The following PLEKHG4B variants were observed in gnomAD, a reference collection of about 807,000 sequenced individuals.
PLEKHG4B encodes pleckstrin homology domain-containing family G member 4B.
A neutral mutation model predicts 121.3 loss-of-function variants in PLEKHG4B; 111 were observed. The observed-to-expected ratio is 0.92, with a 90% CI of 0.78 to 1.07. PLEKHG4B has a LOEUF of 1.07. Among genes scored for constraint, PLEKHG4B ranks in the 50% least tolerant of loss-of-function variants. The pLI is 0.00. For synonymous variants in PLEKHG4B, 738 were observed against 725.0 expected (o/e 1.02, Z -0.29); for missense variants, 1,831 against 1,757.8 (o/e 1.04, Z -0.74).
At chr5:118,163 A>G (rs376574457) in intron 2 of PLEKHG4B, among the ~76,000 whole-genome samples, 3 of 152,212 alleles carry the variant, frequency 2.0e-5, no homozygotes, top group East Asian at 3.8e-4. Context: ...AGATCATTCA[A>G]TAATAATACT....
At chr5:108,075 G>A (rs1204168113) in intron 1 of PLEKHG4B, among the ~76,000 whole-genome samples, 14 of 152,198 alleles carry the variant, frequency 9.2e-5, no homozygotes, top group African/African-American at 2.7e-4. Flanking sequence ...CAGGTCCTGC[G>A]TCTCCAGTGG....
intron 12 of PLEKHG4B, 133 bp from the exon 13 acceptor site, chr5:162,589 C>T (rs572647200): frequency 3.4e-4 from 209 of 614,134 alleles, no homozygotes; most frequent in African/African-American, 2.7e-3. Context: ...CACTGGGTGG[C>T]GGGACTGCCT....
In PLEKHG4B at chr5:139,164, T is replaced by C. The variant is rs6554682; in HGVS notation, c.244-319T>C. On this transcript the variant is annotated intron_variant, in intron 2 of 19. Coordinates refer to ENST00000637938, the MANE Select transcript of PLEKHG4B (RefSeq NM_052909.5). The surrounding 1 kb of genome is among the most constrained non-coding windows in gnomAD (Gnocchi z 5.0). ...TGGGACCACTCTGAGGGACAACTCA[T>C]CCTTCGGAGCGCCTGGTGGGCTGTG... Among the ~76,000 whole-genome samples the C allele has an allele frequency of 0.25, 37,975 of 152,124 alleles. 8,000 individuals carry two copies. The highest frequency in any genetic ancestry group is 0.58 in the African/African-American group (23,936 of 41,460).
Position 151,564 on chromosome 5 carries a change from T to A in PLEKHG4B, c.1957T>A (p.Ser653Thr), listed in dbSNP as rs148267274. Residue 653 changes from serine (S) to threonine (T), a missense_variant, in exon 7 of 20, where the codon TCT (serine) becomes ACT (threonine). Physicochemically the swap from Ser to Thr is moderately conservative, Grantham distance 58. Coordinates refer to ENST00000637938, the MANE Select transcript of PLEKHG4B (RefSeq NM_052909.5). ...HSILLLVDKESAFRPDKDAII... is the reference protein window; with the variant it reads ...HSILLLVDKETAFRPDKDAII... Reference sequence around the variant, plus strand: ...TATCTTGCTGTTGGTAGATAAAGAATCTGCATTTAGGCCTGACAAGGATGC... The same window carrying A: ...TATCTTGCTGTTGGTAGATAAAGAAACTGCATTTAGGCCTGACAAGGATGC... 1,371 of 1,593,196 alleles carry A rather than the reference T, an allele frequency of 8.6e-4. 1 individual carries two copies. The highest frequency in any genetic ancestry group is 1.0e-3 in the Non-Finnish European group (1,186 of 1,161,830).
Position 140,219 on chromosome 5 carries a change from A to G in PLEKHG4B, c.980A>G (p.His327Arg). ...QEDRPKALTF[H>R]TDLGIPSSRR... The stretch of plus-strand genomic sequence containing the variant: ...GACAGACCCAAGGCCCTCACCTTCC[A>G]CACAGACCTGGGCATCCCGAGCAGC... Residue 327 changes from histidine to arginine, a missense_variant, in exon 3 of 20, where the codon CAC (histidine) becomes CGC (arginine). His to Arg is a conservative substitution (Grantham distance 29). Coordinates refer to ENST00000637938, the MANE Select transcript of PLEKHG4B (RefSeq NM_052909.5). The G allele has an allele frequency of 2.2e-6, 3 of 1,376,232 alleles. No homozygotes were observed. Among genetic ancestry groups the G allele is most frequent in the Non-Finnish European group, 2.9e-6 (3 of 1,033,620 alleles). The allele number at this position is 1,376,232 out of a possible 1,614,324, so 85.3% of individuals were successfully genotyped here.
In PLEKHG4B at chr5:156,292, T is replaced by A; in HGVS notation, c.2348+82T>A. The A allele has an allele frequency of 7.7e-7, 1 of 1,294,290 alleles. No individual in the cohort carries two copies. The highest frequency in any genetic ancestry group is 9.9e-7 in the Non-Finnish European group (1 of 1,007,090). The allele number at this position is 1,294,290 out of a possible 1,614,324, so 80.2% of individuals were successfully genotyped here. ...GAGTTTGCACCAGGAGGCGTAGCGC[T>A]CTGCTCCAAGGAGAGCCCCCTCTGT... On this transcript the variant is annotated intron_variant, in intron 10 of 19. Transcript: ENST00000637938. This position sits in a 1 kb window ranked among gnomAD's most constrained non-coding sequence, Gnocchi z 4.4.
In PLEKHG4B at chr5:140,154, T is replaced by G. The variant is rs185888907; in HGVS notation, c.915T>G (p.Cys305Trp). Residue 305 changes from cysteine to tryptophan, a missense_variant, in exon 3 of 20, where the codon TGT (cysteine) becomes TGG (tryptophan). Coordinates refer to ENST00000637938, the MANE Select transcript of PLEKHG4B (RefSeq NM_052909.5). ...GCCCACGGATGCCCCCTGAGAACTG[T>G]GGGGGGTCGGGGGAGAGGCCGGACC... ...EQGPRMPPEN[C>W]GGSGERPDPM... The G allele has an allele frequency of 4.6e-3, 3,408 of 738,364 alleles. 14 individuals carry two copies. Among genetic ancestry groups the G allele is most frequent in the Non-Finnish European group, 6.5e-3 (3,063 of 469,652 alleles). 45.7% of individuals were successfully genotyped at this position (738,364 alleles called of 1,614,324 possible). A position where few individuals can be genotyped will look rare whatever the true frequency, so the allele number is the denominator to read the frequency against.
intron 14 of PLEKHG4B, 92 bp from the exon 15 acceptor site, chr5:170,951 G>C (rs905987613): frequency 3.0e-6 from 3 of 986,688 alleles, no homozygotes; most frequent in Admixed American, 2.3e-5. Context: ...GTCTTGGGAC[G>C]GGAGCAGTTC....
chr5:173,907 G>C lies in PLEKHG4B; in HGVS notation c.4222-11G>C, dbSNP rs1429469414. On this transcript the variant is annotated splice_polypyrimidine_tract_variant and intron_variant, in intron 17 of 19. Coordinates refer to ENST00000637938, the MANE Select transcript of PLEKHG4B (RefSeq NM_052909.5). ...CCTGATGGTGCTGCAATGGGTGTTTGCTGACTGCAGACGGCCGAGATCGGG... is the reference window on the plus strand; with the variant it reads ...CCTGATGGTGCTGCAATGGGTGTTTCCTGACTGCAGACGGCCGAGATCGGG... 6.2e-7 allele frequency: 1 copy of C among 1,611,826 alleles called. No homozygotes were observed.
intron 1 of PLEKHG4B, among the ~76,000 whole-genome samples, chr5:107,789 C>T (rs1019240613): frequency 2.0e-5 from 3 of 152,182 alleles, no homozygotes; most frequent in South Asian, 2.1e-4. Context: ...GGCTGGACCT[C>T]GGTGGGGCTC....
chr5:163,671 T>C, intron 13 of PLEKHG4B, 123 bp downstream of exon 13: 1 of 824,198 alleles, frequency 1.2e-6, no homozygotes, highest in Non-Finnish European at 1.8e-6. Flanking sequence ...TCCCTCTGGG[T>C]CCACCTGTCC....
At chr5:109,397 C>CAAAAAA (rs34972342) in intron 1 of PLEKHG4B, among the ~76,000 whole-genome samples, 2 of 61,820 alleles carry the variant, frequency 3.2e-5, no homozygotes, top group African/African-American at 7.7e-5. Context: ...ACTCTGTCTC[C>CAAAAAA]AAAAAAAAAA....
rs773672774 is a variant in PLEKHG4B at position 173,959 on chromosome 5, C to T, written c.4263C>T (p.Gly1421=). 2.2e-5 allele frequency: 35 copies of T among 1,613,168 alleles called. 1 individual carries two copies. Among genetic ancestry groups the T allele is most frequent in the Admixed American group, 1.3e-4 (8 of 59,880 alleles). ...IGMTENVGDS[G]LRFEIWFRRR... The stretch of plus-strand genomic sequence containing the variant: ...TGACAGAGAACGTCGGGGACAGTGG[C>T]TTGAGGTTTGAGATTTGGTTTCGCA... Residue 1421 remains glycine (G), a synonymous_variant, in exon 18 of 20, where the codon GGC becomes GGT. Transcript: ENST00000637938.
intron 12 of PLEKHG4B, among the ~76,000 whole-genome samples, chr5:162,301 C>G (rs1341683164): frequency 2.0e-5 from 3 of 151,344 alleles, no homozygotes; most frequent in Admixed American, 2.0e-4. Context: ...CTGCGAGCTC[C>G]CCCGCGCCGG....
At chr5:105,664 C>G (rs1235581192) in intron 1 of PLEKHG4B, among the ~76,000 whole-genome samples, 1 of 152,208 alleles carries the variant, frequency 6.6e-6, no homozygotes. Context: ...TTCATTCAGC[C>G]GTGCTGCTAG....
At position 143,135 on chromosome 5, in the gene PLEKHG4B, G is replaced by A. The variant is rs760289696; in HGVS notation, c.1566G>A (p.Arg522=). The change falls in exon 4 of 20, where the codon CGG becomes CGA. Residue 522 remains arginine, a synonymous_variant. Transcript: ENST00000637938. ...NPSGPSDVPA[R]QPHPEQEGWP... ...GCGGGCCTTCCGATGTGCCTGCCCG[G>A]CAGCCACACCCCGAGCAAGAAGGGT... 1 of 1,612,356 alleles carries A rather than the reference G, an allele frequency of 6.2e-7. No individual in the cohort carries two copies.
At chr5:165,021 C>G (rs865801740) in intron 13 of PLEKHG4B, among the ~76,000 whole-genome samples, 2 of 67,632 alleles carry the variant, frequency 3.0e-5, no homozygotes, top group Non-Finnish European at 6.7e-5. Context: ...CAGTAATGCT[C>G]TGACAGGGCG....
chr5:164,334 A>C (rs557444376), intron 13 of PLEKHG4B, among the ~76,000 whole-genome samples: 1 of 152,308 alleles, frequency 6.6e-6, no homozygotes, highest in East Asian at 1.9e-4. Flanking sequence ...CATGTGCAGT[A>C]GTGTTCGTGC....
At position 171,398 on chromosome 5, in the gene PLEKHG4B, G is replaced by A. The variant is rs774446632; in HGVS notation, c.4004G>A (p.Arg1335His). Residue 1335 changes from arginine to histidine, a missense_variant, in exon 16 of 20, where the codon CGT becomes CAT. Physicochemically the swap from Arg to His is conservative, Grantham distance 29 (BLOSUM62 0). Coordinates refer to ENST00000637938, the MANE Select transcript of PLEKHG4B (RefSeq NM_052909.5). ...AAEVVVCFQLRHGNDLLAMDA... is the reference protein window; with the variant it reads ...AAEVVVCFQLHHGNDLLAMDA... Reference sequence around the variant, plus strand: ...GAGGTCGTGGTCTGCTTCCAGCTGCGTCACGGCAATGACCTGCTGGCCATG... The same window carrying A: ...GAGGTCGTGGTCTGCTTCCAGCTGCATCACGGCAATGACCTGCTGGCCATG... 3.7e-5 allele frequency: 59 copies of A among 1,608,106 alleles called. No individual in the cohort carries two copies. The highest frequency in any genetic ancestry group is 2.7e-4 in the East Asian group (12 of 44,860).
Sources: gnomAD v4.1 joint callset for allele counts (sites outside exome capture counted in the v4.1 genomes callset) on GRCh38, gnomAD v4.1.1 for gene constraint, Gnocchi (gnomAD v3.1) non-coding constraint, MANE v1.5 for transcripts, NCBI Gene and HGNC (gene_info 2026-07-23, HGNC 2026-07-21) for gene names.